Variants in FAR1 observed in about 807,000 individuals in gnomAD.
FAR1 encodes male sterility domain-containing protein 2.
In FAR1, 22 loss-of-function variants were observed where a neutral mutation model predicts 61.1. That is an observed-to-expected ratio of 0.36 (90% CI 0.26 to 0.51). The LOEUF is 0.51. FAR1 is among the 20% of genes least tolerant of loss of function. FAR1 has a pLI of 0.95. For synonymous variants in FAR1, 206 were observed against 209.7 expected (o/e 0.98, Z 0.15); for missense variants, 359 against 626.9 (o/e 0.57, Z 4.56).
intron 7 of FAR1, among the ~76,000 whole-genome samples, chr11:13,712,672 TTTG>T (rs983475561): frequency 2.0e-5 from 3 of 152,090 alleles, no homozygotes; most frequent in Non-Finnish European, 2.9e-5. Context: ...GCTGAGGTCA[TTTG>T]TTGTTTTCCT....
Position 13,694,799 on chromosome 11 carries a change from A to G in FAR1, c.34A>G (p.Asn12Asp). The change falls in exon 2 of 12, where the codon AAC becomes GAC. Residue 12 changes from asparagine (N) to aspartate (D), a missense_variant. Physicochemically the swap from Asn to Asp is conservative, Grantham distance 23. Transcript: ENST00000354817. ...VSIPEYYEGK[N>D]VLLTGATGFL... ...AATCCCAGAATACTATGAAGGCAAG[A>G]ACGTCCTCCTCACAGGAGCTACCGG... The G allele has an allele frequency of 6.2e-7, 1 of 1,613,910 alleles. No homozygotes were observed. Among genetic ancestry groups the G allele is most frequent in the South Asian group, 1.1e-5 (1 of 91,028 alleles).
At chr11:13,675,266 G>A (rs534597853) in intron 1 of FAR1, among the ~76,000 whole-genome samples, 57 of 152,228 alleles carry the variant, frequency 3.7e-4, no homozygotes, top group Middle Eastern at 3.4e-3. Flanking sequence ...ACAGAATGTA[G>A]CAACACTGGA....
intron 9 of FAR1, among the ~76,000 whole-genome samples, chr11:13,719,709 T>C (rs548605794): frequency 3.9e-5 from 6 of 152,226 alleles, no homozygotes; most frequent in African/African-American, 9.6e-5. Flanking sequence ...TTTTTAGTTA[T>C]CACAACAGGG....
chr11:13,686,761 TTTAA>T (rs1255099293), intron 1 of FAR1: 3 of 152,264 alleles, frequency 2.0e-5, no homozygotes, highest in East Asian at 3.8e-4. Flanking sequence ...GGATCTTGTC[TTTAA>T]TTATCCAGAA....
intron 1 of FAR1, among the ~76,000 whole-genome samples, chr11:13,692,083 C>T (rs867297326): frequency 5.3e-5 from 8 of 152,146 alleles, no homozygotes; most frequent in African/African-American, 1.9e-4. Context: ...AGGAGACTCA[C>T]TTGAACCCAG....
intron 1 of FAR1, among the ~76,000 whole-genome samples, chr11:13,671,633 C>G (rs1848005758): frequency 6.6e-6 from 1 of 152,176 alleles, no homozygotes; most frequent in Non-Finnish European, 1.5e-5. Flanking sequence ...TTGGGTGCTA[C>G]TTTGTGGCAG....
intron 1 of FAR1, among the ~76,000 whole-genome samples, chr11:13,676,821 C>A (rs1353331657): frequency 1.3e-5 from 2 of 152,120 alleles, no homozygotes; most frequent in African/African-American, 2.4e-5. Flanking sequence ...ACCCTTGTGA[C>A]CTGTTGGAGT....
intron 2 of FAR1, among the ~76,000 whole-genome samples, chr11:13,696,351 A>G (rs2134181112): frequency 6.6e-6 from 1 of 152,234 alleles, no homozygotes; most frequent in African/African-American, 2.4e-5. Context: ...GGCTTTTTAG[A>G]CAGTTTTTAA....
chr11:13,717,837 TTGGTATATAGGCTC>T (rs1432014306), intron 9 of FAR1, among the ~76,000 whole-genome samples: 2 of 152,184 alleles, frequency 1.3e-5, no homozygotes, highest in Non-Finnish European at 2.9e-5. Context: ...TGGGCTGGAT[TTGGTATATAGGCTC>T]TGGTTTGCTG....
At chr11:13,706,121 C>T (rs1003264314) in intron 3 of FAR1, among the ~76,000 whole-genome samples, 4 of 151,926 alleles carry the variant, frequency 2.6e-5, no homozygotes, top group African/African-American at 9.7e-5. Context: ...TTATTATAAA[C>T]ATAGACTTTC....
chr11:13,673,919 A>G (rs1031261630), intron 1 of FAR1, among the ~76,000 whole-genome samples: 1 of 152,214 alleles, frequency 6.6e-6, no homozygotes, highest in Non-Finnish European at 1.5e-5. Context: ...TTTTTTAAAT[A>G]TGATTTAATA....
chr11:13,728,047 T>G (rs917602516), intron 11 of FAR1, among the ~76,000 whole-genome samples: 1 of 151,928 alleles, frequency 6.6e-6, no homozygotes, highest in Non-Finnish European at 1.5e-5. Flanking sequence ...CTACATCATT[T>G]TTCTTACATT....
chr11:13,695,899 A>C (rs2134180827), intron 2 of FAR1, among the ~76,000 whole-genome samples: 1 of 152,270 alleles, frequency 6.6e-6, no homozygotes, highest in Non-Finnish European at 1.5e-5. Context: ...TAATGATGGG[A>C]TGTAAGATTC....
chr11:13,721,719 TTACAA>T lies in FAR1; in HGVS notation c.1128-6_1128-2del. The T allele has an allele frequency of 1.2e-6, 2 of 1,606,476 alleles. No individual in the cohort carries two copies. The highest frequency in any genetic ancestry group is 2.2e-5 in the East Asian group (1 of 44,544). On this transcript the variant is annotated splice_region_variant and splice_polypyrimidine_tract_variant and intron_variant, in intron 9 of 11. Transcript: ENST00000354817. The surrounding 1 kb of genome is among the most constrained non-coding windows in gnomAD (Gnocchi z 4.2). ...CAAAATATGAATCTGTCCATTTTTC[TTACAA>T]TACAGGATGATGAAAACAATAACTC...
chr11:13,722,715 G>A (rs1006797720), intron 10 of FAR1, among the ~76,000 whole-genome samples: 1 of 151,970 alleles, frequency 6.6e-6, no homozygotes, highest in Non-Finnish European at 1.5e-5. Context: ...GACCTCAGGT[G>A]ATCTGCCCAC....
chr11:13,705,947 A>T (rs1440226340), intron 3 of FAR1, among the ~76,000 whole-genome samples: 1 of 152,140 alleles, frequency 6.6e-6, no homozygotes, highest in Admixed American at 6.5e-5. Flanking sequence ...ATAGACATCA[A>T]AGCACTGCTT....
intron 2 of FAR1, among the ~76,000 whole-genome samples, chr11:13,699,743 A>T (rs796380371): frequency 5.3e-5 from 8 of 152,290 alleles, no homozygotes; most frequent in African/African-American, 1.9e-4. Context: ...AATCCTATAT[A>T]TGTAATACTT....
At chr11:13,680,331 ACTT>A (rs1255707773) in intron 1 of FAR1, among the ~76,000 whole-genome samples, 3 of 152,122 alleles carry the variant, frequency 2.0e-5, no homozygotes, top group South Asian at 2.1e-4. Flanking sequence ...CGCCTCATGC[ACTT>A]CTTCTGCTTC....
chr11:13,694,969 T>G lies in FAR1; in HGVS notation c.189+15T>G, dbSNP rs1565343784. ...TTAGTGGCAAGGTAAGTATGGAAAA[T>G]GAGCACTCAGAACAAAGAAAAAAGC... On this transcript the variant is annotated intron_variant, in intron 2 of 11. Transcript: ENST00000354817. The G allele has an allele frequency of 6.3e-7, 1 of 1,594,136 alleles. No individual in the cohort carries two copies. Among genetic ancestry groups the G allele is most frequent in the Middle Eastern group, 1.7e-4 (1 of 5,950 alleles).
Sources: gnomAD v4.1 joint callset for allele counts (sites outside exome capture counted in the v4.1 genomes callset) on GRCh38, gnomAD v4.1.1 for gene constraint, Gnocchi (gnomAD v3.1) non-coding constraint, MANE v1.5 for transcripts, NCBI Gene and HGNC (gene_info 2026-07-23, HGNC 2026-07-21) for gene names.